Variants in RTN4IP1 observed in about 807,000 individuals in gnomAD.
RTN4IP1 encodes NAD(P)H oxidoreductase RTN4IP1, mitochondrial.
Under a neutral mutation model 46.6 loss-of-function variants are expected in RTN4IP1, and 32 were observed. The observed-to-expected ratio is 0.69, with a 90% CI of 0.52 to 0.92. The LOEUF (loss-of-function observed/expected upper bound fraction) is 0.92, where lower values mean the gene tolerates loss of function less well. Ranked by LOEUF, RTN4IP1 falls within the 40% of genes least tolerant of loss-of-function variation. RTN4IP1 has a pLI of 0.00. For missense variants in RTN4IP1, 424 were observed against 485.8 expected, an observed-to-expected ratio of 0.87 and a Z score of 1.20; for synonymous variants, 167 against 161.8, an observed-to-expected ratio of 1.03 and a Z score of -0.24.
chr6:106,619,504 C>T (rs1417073648), intron 3 of RTN4IP1, among the ~76,000 whole-genome samples, 178 bp from the exon 4 acceptor site: 2 of 152,074 alleles, frequency 1.3e-5, no homozygotes, highest in African/African-American at 4.8e-5. Context: ...GCAAAACCAA[C>T]CCTTCTTCTT....
Position 106,583,586 on chromosome 6 carries a change from G to A in RTN4IP1, c.991-166C>T. On this transcript the variant is annotated intron_variant, in intron 7 of 8. Coordinates refer to ENST00000369063, the MANE Select transcript of RTN4IP1 (RefSeq NM_032730.5). Reference sequence around the variant, plus strand: ...TTGGCACAATGACTGACAGAGAATGGATGCTCCATAAATGTTTAATAAATA... The same window carrying A: ...TTGGCACAATGACTGACAGAGAATGAATGCTCCATAAATGTTTAATAAATA... The A allele has an allele frequency of 8.6e-6, 5 of 578,068 alleles. No homozygotes were observed. The East Asian group carries it at 1.2e-4, about 14-fold the overall frequency. 35.8% of individuals were successfully genotyped at this position (578,068 alleles called of 1,614,324 possible).
chr6:106,621,641 T>C, intron 2 of RTN4IP1, 148 bp from the exon 3 acceptor site: 2 of 612,644 alleles, frequency 3.3e-6, no homozygotes, highest in Middle Eastern at 2.6e-4. Flanking sequence ...ATTTTCATGA[T>C]ATAAATTTAT....
chr6:106,604,665 A>C (rs72945046), intron 4 of RTN4IP1, among the ~76,000 whole-genome samples: 11,052 of 152,190 alleles, frequency 0.073, 592 homozygotes, highest in East Asian at 0.2. Context: ...GGTGCCACAC[A>C]CACAGCCCAG....
At chr6:106,572,576 C>T (rs1270080066) in intron 8 of RTN4IP1, among the ~76,000 whole-genome samples, 2 of 152,114 alleles carry the variant, frequency 1.3e-5, no homozygotes, top group Admixed American at 1.3e-4. Context: ...ACTGTGTGTC[C>T]TCATGCCCCA....
intron 4 of RTN4IP1, among the ~76,000 whole-genome samples, chr6:106,605,808 C>A (rs1776050690): frequency 9.6e-6 from 1 of 104,596 alleles, no homozygotes; most frequent in East Asian, 3.2e-4. Context: ...CAGAGCAAGA[C>A]TCTGTCCCAA....
intron 8 of RTN4IP1, among the ~76,000 whole-genome samples, chr6:106,574,354 A>G (rs1382898615): frequency 6.6e-6 from 1 of 151,888 alleles, no homozygotes; most frequent in Non-Finnish European, 1.5e-5. Context: ...GAGGCATGAG[A>G]ATTACTTGAA....
intron 8 of RTN4IP1, among the ~76,000 whole-genome samples, chr6:106,576,261 C>A (rs1309029184): frequency 6.6e-6 from 1 of 152,140 alleles, no homozygotes; most frequent in South Asian, 2.1e-4. Flanking sequence ...AGGGGGATGG[C>A]AGATGGGGGA....
intron 1 of RTN4IP1, among the ~76,000 whole-genome samples, chr6:106,624,378 T>C (rs1193243715): frequency 6.6e-6 from 1 of 151,712 alleles, no homozygotes; most frequent in South Asian, 2.1e-4. Flanking sequence ...TTTTAAGAGA[T>C]GAAGCCTCAC....
At chr6:106,616,569 T>C (rs73761706) in intron 4 of RTN4IP1, among the ~76,000 whole-genome samples, 1 of 83,596 alleles carries the variant, frequency 1.2e-5, no homozygotes, top group African/African-American at 4.7e-5. Flanking sequence ...TTAATGCCAA[T>C]AGCTAATAGC....
At position 106,624,839 on chromosome 6, in the gene RTN4IP1, G is replaced by A. The variant is rs181030897; in HGVS notation, c.275-1870C>T. ...TAATCCCAGCTACTCAGGAGGCTGA[G>A]GCAGGAGGATTGCTTGAGCCCAGGA... On this transcript the variant is annotated intron_variant, in intron 1 of 8. Coordinates refer to ENST00000369063, the MANE Select transcript of RTN4IP1 (RefSeq NM_032730.5). Among the ~76,000 whole-genome samples the A allele has an allele frequency of 1.9e-3, 279 of 150,560 alleles. 2 individuals carry two copies. Among genetic ancestry groups the A allele is most frequent in the African/African-American group, 6.5e-3 (266 of 41,118 alleles).
intron 4 of RTN4IP1, among the ~76,000 whole-genome samples, chr6:106,603,680 T>G (rs17067428): frequency 0.073 from 11,054 of 152,266 alleles, 591 homozygotes; most frequent in East Asian, 0.2. Flanking sequence ...AGGAAAGGAA[T>G]CTAGACCTAT....
intron 5 of RTN4IP1, among the ~76,000 whole-genome samples, chr6:106,598,283 G>A (rs74700523): frequency 2.2e-4 from 34 of 152,214 alleles, no homozygotes; most frequent in African/African-American, 5.3e-4. Flanking sequence ...TGACTTCCAC[G>A]ATGGTTGAAC....
chr6:106,623,945 C>T (rs750304067), intron 1 of RTN4IP1, among the ~76,000 whole-genome samples: 24 of 152,244 alleles, frequency 1.6e-4, no homozygotes, highest in Non-Finnish European at 2.9e-4. Context: ...CATCCTTAAA[C>T]ATGTTTCTAG....
At chr6:106,594,450 C>T (rs770256255) in intron 5 of RTN4IP1, among the ~76,000 whole-genome samples, 27 of 151,950 alleles carry the variant, frequency 1.8e-4, no homozygotes, top group Non-Finnish European at 3.5e-4. Context: ...GTGGAGGTTG[C>T]AGTAAGCCAA....
intron 1 of RTN4IP1, among the ~76,000 whole-genome samples, chr6:106,624,306 G>A (rs554287477): frequency 5.3e-5 from 8 of 151,930 alleles, no homozygotes; most frequent in South Asian, 2.1e-4. Flanking sequence ...CGCCCGCCTC[G>A]GCCTCCCAAA....
chr6:106,612,460 G>A (rs144437227), intron 4 of RTN4IP1, among the ~76,000 whole-genome samples: 1 of 150,744 alleles, frequency 6.6e-6, no homozygotes, highest in Admixed American at 6.6e-5. Context: ...AAGTAGTGAG[G>A]TCAGAGGATT....
intron 5 of RTN4IP1, among the ~76,000 whole-genome samples, chr6:106,592,996 T>C (rs992299416): frequency 3.3e-5 from 5 of 151,714 alleles, no homozygotes. Context: ...AAAAATAGTA[T>C]GTCTTCAGAA....
intron 4 of RTN4IP1, among the ~76,000 whole-genome samples, chr6:106,618,565 T>G (rs909671240): frequency 6.6e-6 from 1 of 152,130 alleles, no homozygotes; most frequent in Non-Finnish European, 1.5e-5. Flanking sequence ...AAAAAGTGAG[T>G]GAGTGGGTCA....
chr6:106,572,778 TTTTGTTTTTTC>T (rs1034946679), intron 8 of RTN4IP1, among the ~76,000 whole-genome samples: 11 of 151,378 alleles, frequency 7.3e-5, no homozygotes, highest in African/African-American at 2.7e-4. Flanking sequence ...ATAGTTTTTT[TTTTGTTTTTTC>T]TTTGTTTTTA....
Sources: gnomAD v4.1 joint callset for allele counts (sites outside exome capture counted in the v4.1 genomes callset) on GRCh38, gnomAD v4.1.1 for gene constraint, MANE v1.5 for transcripts, NCBI Gene and HGNC (gene_info 2026-07-23, HGNC 2026-07-21) for gene names.